The following ROBO1 variants were observed in gnomAD, a reference collection of about 807,000 sequenced individuals.
ROBO1 encodes the protein roundabout homolog 1.
ROBO1 carries 149 observed loss-of-function variants against 195.9 expected under a neutral mutation model. That is an observed-to-expected ratio of 0.76 (90% CI 0.67 to 0.87). The LOEUF (loss-of-function observed/expected upper bound fraction) is 0.87. Among genes scored for constraint, ROBO1 ranks in the 40% least tolerant of loss-of-function variants. The pLI is 0.00. For missense variants in ROBO1, 1,933 were observed against 2,068.3 expected (o/e 0.93, Z 1.27); for synonymous variants, 816 against 733.2 (o/e 1.11, Z -1.82).
At chr3:78,830,329 G>T (rs558081001) in intron 4 of ROBO1, among the ~76,000 whole-genome samples, 153 of 152,270 alleles carry the variant, frequency 1.0e-3, no homozygotes, top group African/African-American at 3.6e-3. Flanking sequence ...CTTGAACACA[G>T]ATGTATGTTG....
At chr3:79,482,295 C>T (rs1387473985) in intron 2 of ROBO1, among the ~76,000 whole-genome samples, 2 of 152,010 alleles carry the variant, frequency 1.3e-5, no homozygotes, top group Non-Finnish European at 2.9e-5. Flanking sequence ...TGGCTGTGTC[C>T]CCACCCAGAT....
chr3:79,033,359 AAG>A (rs1205282775), intron 3 of ROBO1, among the ~76,000 whole-genome samples: 1 of 152,114 alleles, frequency 6.6e-6, no homozygotes, highest in Non-Finnish European at 1.5e-5. Flanking sequence ...ATAAAATTTA[AAG>A]AGTTATTTAC....
intron 2 of ROBO1, among the ~76,000 whole-genome samples, chr3:79,577,760 A>ACAC (rs1560010007): frequency 6.7e-6 from 1 of 148,312 alleles, no homozygotes; most frequent in Non-Finnish European, 1.5e-5. Flanking sequence ...ACACACACAC[A>ACAC]AAATTGCTGG....
intron 2 of ROBO1, among the ~76,000 whole-genome samples, chr3:79,535,591 G>A (rs1941826827): frequency 6.6e-6 from 1 of 152,058 alleles, no homozygotes; most frequent in South Asian, 2.1e-4. Flanking sequence ...CTGTTATTTT[G>A]GCAGCAAAGT....
intron 2 of ROBO1, among the ~76,000 whole-genome samples, chr3:79,139,977 A>T (rs1264859882): frequency 6.6e-6 from 1 of 152,300 alleles, no homozygotes; most frequent in Admixed American, 6.5e-5. Flanking sequence ...AAAATGGCAC[A>T]ATAGCAATAC....
intron 2 of ROBO1, among the ~76,000 whole-genome samples, chr3:79,341,829 G>A (rs923252222): frequency 1.3e-5 from 2 of 152,026 alleles, no homozygotes; most frequent in African/African-American, 2.4e-5. Context: ...ATAACATGCC[G>A]TTCCTACTTT....
In ROBO1 at chr3:79,647,511, C is replaced by A. The variant is rs571026109; in HGVS notation, c.-50-57550G>T. Among the ~76,000 whole-genome samples, 132 of 152,068 alleles carry A rather than the reference C, an allele frequency of 8.7e-4. 1 individual carries two copies. Among genetic ancestry groups the A allele is most frequent in the African/African-American group, 3.1e-3 (129 of 41,524 alleles). Reference sequence around the variant, plus strand: ...CTGGGGTAATGTTCTCAATTGGGGGCAATTTTCCCCACACAGTGACATTTG... The same window carrying A: ...CTGGGGTAATGTTCTCAATTGGGGGAAATTTTCCCCACACAGTGACATTTG... On this transcript the variant is annotated intron_variant, in intron 1 of 30. Transcript: ENST00000464233.
intron 2 of ROBO1, among the ~76,000 whole-genome samples, chr3:79,174,749 A>G (rs1193995575): frequency 6.6e-6 from 1 of 151,734 alleles, no homozygotes; most frequent in East Asian, 1.9e-4. Flanking sequence ...GCAGCTACTC[A>G]AGAGGCTGAG....
intron 4 of ROBO1, among the ~76,000 whole-genome samples, chr3:78,773,072 CAT>C (rs1322785775): frequency 3.3e-5 from 5 of 152,152 alleles, no homozygotes; most frequent in African/African-American, 9.6e-5. Context: ...ATAAGGTGCA[CAT>C]GTTTTGAATA....
chr3:79,324,587 C>T (rs1004032125), intron 2 of ROBO1, among the ~76,000 whole-genome samples: 6 of 151,754 alleles, frequency 4.0e-5, no homozygotes, highest in African/African-American at 1.5e-4. Context: ...GAAACAAAAA[C>T]AAAACAAAAC....
chr3:79,038,643 T>A (rs1009218420), intron 3 of ROBO1, among the ~76,000 whole-genome samples: 1 of 151,896 alleles, frequency 6.6e-6, no homozygotes, highest in East Asian at 1.9e-4. Flanking sequence ...ATAAACTGAA[T>A]TCCTACAATG....
In ROBO1 at chr3:79,494,731, A is replaced by C. The variant is rs568973361; in HGVS notation, c.88+95093T>G. ...TCCACAAAAAAAGTGTACAAAATGA[A>C]GAACGAATAGAAAACAATTTCAAGA... On this transcript the variant is annotated intron_variant, in intron 2 of 30. Transcript: ENST00000464233. 1.8e-4 allele frequency among the ~76,000 whole-genome samples: 28 copies of C among 152,338 alleles called. No homozygotes were observed. In the South Asian group the frequency reaches 5.8e-3, roughly 32 times the overall value.
intron 1 of ROBO1, among the ~76,000 whole-genome samples, chr3:79,735,591 C>T (rs527747822): frequency 8.1e-4 from 124 of 152,332 alleles, no homozygotes; most frequent in African/African-American, 2.8e-3. Flanking sequence ...CTGACACTGG[C>T]CGGGCGCGGT....
chr3:79,115,713 C>T (rs193037456), intron 3 of ROBO1, among the ~76,000 whole-genome samples: 5 of 152,240 alleles, frequency 3.3e-5, no homozygotes, highest in African/African-American at 9.6e-5. Context: ...TTATATTGAA[C>T]TCCTTTCACC....
At chr3:79,683,978 T>C (rs755981918) in intron 1 of ROBO1, among the ~76,000 whole-genome samples, 8 of 152,066 alleles carry the variant, frequency 5.3e-5, no homozygotes, top group Non-Finnish European at 1.0e-4. Flanking sequence ...AGTGGAATTG[T>C]TAGGTCTTAT....
intron 2 of ROBO1, among the ~76,000 whole-genome samples, chr3:79,576,745 A>G (rs2107772406): frequency 6.6e-6 from 1 of 152,298 alleles, no homozygotes; most frequent in East Asian, 1.9e-4. Context: ...GTTCATCTTC[A>G]AAAGAGACAG....
chr3:78,639,661 CA>C, intron 22 of ROBO1, 82 bp downstream of exon 22: 1 of 1,335,044 alleles, frequency 7.5e-7, no homozygotes, highest in South Asian at 1.6e-5. Context: ...TTATCTTTCC[CA>C]TGTAGGGAGA....
intron 2 of ROBO1, among the ~76,000 whole-genome samples, chr3:79,309,465 C>T (rs2033381252): frequency 6.6e-6 from 1 of 151,940 alleles, no homozygotes; most frequent in Non-Finnish European, 1.5e-5. Context: ...AATAGCCAAG[C>T]ATGGTGGCAT....
intron 11 of ROBO1, among the ~76,000 whole-genome samples, chr3:78,669,387 C>CA (rs1707925842): frequency 6.6e-6 from 1 of 152,170 alleles, no homozygotes; most frequent in Non-Finnish European, 1.5e-5. Context: ...TCCAATACTC[C>CA]AAAGGAACCA....
Sources: allele counts gnomAD v4.1 joint callset (sites outside exome capture counted in the v4.1 genomes callset), GRCh38; gene constraint gnomAD v4.1.1; transcripts MANE v1.5; gene names NCBI Gene and HGNC (gene_info 2026-07-23, HGNC 2026-07-21).